Variants in GRB10 observed in about 807,000 individuals in gnomAD.
The protein encoded by GRB10 is growth factor receptor bound protein 10.
Under a neutral mutation model 80.9 loss-of-function variants are expected in GRB10, and 20 were observed. The observed-to-expected ratio is 0.25, with a 90% CI of 0.17 to 0.36. The LOEUF is 0.36. GRB10 is among the 10% of genes least tolerant of loss of function. The pLI is 1.00. For synonymous variants in GRB10, 291 were observed against 291.5 expected, an observed-to-expected ratio of 1.00 and a Z score of 0.02; for missense variants, 548 against 747.7, an observed-to-expected ratio of 0.73 and a Z score of 3.12.
At position 50,706,817 on chromosome 7, in the gene GRB10, G is replaced by A. The variant is rs113066994; in HGVS notation, c.52-2909C>T. On this transcript the variant is annotated intron_variant, in intron 4 of 18. Transcript: ENST00000401949. Reference sequence around the variant, plus strand: ...GCTAAGGGTTTGGGGCCAGTTACCTGGATTCTCTGAGTCAATCTGCTCATC... The same window carrying A: ...GCTAAGGGTTTGGGGCCAGTTACCTAGATTCTCTGAGTCAATCTGCTCATC... 2.0e-3 allele frequency among the ~76,000 whole-genome samples: 309 copies of A among 152,276 alleles called. 1 individual carries two copies. The highest frequency in any genetic ancestry group is 3.2e-3 in the Non-Finnish European group (220 of 68,020).
At chr7:50,662,051 G>T (rs1167334115) in intron 7 of GRB10, among the ~76,000 whole-genome samples, 1 of 152,232 alleles carries the variant, frequency 6.6e-6, no homozygotes, top group Non-Finnish European at 1.5e-5. Flanking sequence ...TCCCACGCTT[G>T]CCAGGAGAAG....
At chr7:50,736,361 T>TACTA (rs1587681477) in intron 3 of GRB10, among the ~76,000 whole-genome samples, 1 of 152,182 alleles carries the variant, frequency 6.6e-6, no homozygotes, top group Non-Finnish European at 1.5e-5. Flanking sequence ...AACAGTCTGG[T>TACTA]ACTAACATAA....
intron 3 of GRB10, among the ~76,000 whole-genome samples, chr7:50,753,643 A>G (rs1232310950): frequency 1.3e-5 from 2 of 152,218 alleles, no homozygotes; most frequent in African/African-American, 2.4e-5. Flanking sequence ...TGGAGGACAG[A>G]GGAAGCACCC....
intron 2 of GRB10, among the ~76,000 whole-genome samples, chr7:50,768,916 C>T (rs2076673651): frequency 6.6e-6 from 1 of 152,166 alleles, no homozygotes; most frequent in Admixed American, 6.5e-5. Flanking sequence ...TATTTCAGGA[C>T]GTTTACTTCT....
intron 5 of GRB10, among the ~76,000 whole-genome samples, chr7:50,702,863 A>C (rs2064442316): frequency 1.3e-5 from 2 of 152,244 alleles, no homozygotes; most frequent in Admixed American, 6.5e-5. Flanking sequence ...TCCTAATTCA[A>C]GTATTAACCT....
In GRB10 at chr7:50,769,587, T is replaced by C. The variant is rs1029890928; in HGVS notation, c.-217+11040A>G. Among the ~76,000 whole-genome samples, 6 of 152,280 alleles carry C rather than the reference T, an allele frequency of 3.9e-5. No homozygotes were observed. In the South Asian group the frequency reaches 6.2e-4, roughly 16 times the overall value. ...CTCATGGCCAGTTTTGTGCACCCTG[T>C]ACCCCATGGTTCAGGGGTCTCTGAG... On this transcript the variant is annotated intron_variant, in intron 2 of 18. Transcript: ENST00000401949.
At chr7:50,673,049 C>T (rs1199796205) in intron 6 of GRB10, among the ~76,000 whole-genome samples, 1 of 152,210 alleles carries the variant, frequency 6.6e-6, no homozygotes, top group Non-Finnish European at 1.5e-5. Flanking sequence ...GAAACAGCTG[C>T]CACCTGGGGC....
intron 7 of GRB10, among the ~76,000 whole-genome samples, chr7:50,632,240 A>T (rs2237443): frequency 0.52 from 78,867 of 152,074 alleles, 20,615 homozygotes; most frequent in Admixed American, 0.54. Flanking sequence ...CTCACCATAA[A>T]GAGAACACGC....
Position 50,593,117 on chromosome 7 carries a change from A to G in GRB10, c.1639-19T>C. 5.6e-6 allele frequency: 9 copies of G among 1,614,006 alleles called. No homozygotes were observed. Among genetic ancestry groups the G allele is most frequent in the Non-Finnish European group, 6.8e-6 (8 of 1,180,004 alleles). The stretch of plus-strand genomic sequence containing the variant: ...CCTCGCACTGGAGAGACACAAGAAC[A>G]CTTGCCAGGTTAGAGGCTGCCACCT... On this transcript the variant is annotated intron_variant, in intron 18 of 18. Coordinates refer to ENST00000401949, the MANE Select transcript of GRB10 (RefSeq NM_001350814.2).
chr7:50,770,010 A>G (rs1204691977), intron 2 of GRB10, among the ~76,000 whole-genome samples: 1 of 152,194 alleles, frequency 6.6e-6, no homozygotes, highest in Non-Finnish European at 1.5e-5. Context: ...CACTGGCTCA[A>G]CAAACACTGG....
intron 4 of GRB10, among the ~76,000 whole-genome samples, chr7:50,717,731 A>G (rs2067087148): frequency 6.6e-6 from 1 of 152,192 alleles, no homozygotes; most frequent in Admixed American, 6.5e-5. Flanking sequence ...ATTATCAACC[A>G]GGTGTTTAGA....
At chr7:50,689,254 G>A (rs530744452) in intron 5 of GRB10, among the ~76,000 whole-genome samples, 2 of 152,332 alleles carry the variant, frequency 1.3e-5, no homozygotes, top group South Asian at 4.1e-4. Flanking sequence ...AAGCACACTA[G>A]TTATGCAAAG....
intron 3 of GRB10, among the ~76,000 whole-genome samples, chr7:50,734,123 C>T (rs935026913): frequency 3.3e-5 from 5 of 151,998 alleles, no homozygotes; most frequent in Non-Finnish European, 7.4e-5. Flanking sequence ...CTGGACAGGC[C>T]GTCACCCCTA....
chr7:50,618,988 T>G (rs2051157450), intron 9 of GRB10, among the ~76,000 whole-genome samples, 182 bp downstream of exon 9: 1 of 152,140 alleles, frequency 6.6e-6, no homozygotes, highest in African/African-American at 2.4e-5. Context: ...CCACGCACAT[T>G]TAGTGAAGCA....
chr7:50,609,223 A>G (rs1247045880), intron 13 of GRB10, among the ~76,000 whole-genome samples: 1 of 152,242 alleles, frequency 6.6e-6, no homozygotes, highest in Admixed American at 6.5e-5. Flanking sequence ...AAAGATTATC[A>G]AAGTAAAATA....
intron 5 of GRB10, among the ~76,000 whole-genome samples, chr7:50,679,531 T>C (rs904171756): frequency 1.3e-5 from 2 of 152,210 alleles, no homozygotes; most frequent in Non-Finnish European, 2.9e-5. Context: ...CATAAGGACA[T>C]GTTATTTGCA....
Position 50,753,239 on chromosome 7 carries a change from T to C in GRB10, c.-47+2648A>G, listed in dbSNP as rs1354113315. Among the ~76,000 whole-genome samples the C allele has an allele frequency of 3.3e-5, 5 of 152,228 alleles. No homozygotes were observed. The East Asian group carries it at 7.7e-4, about 23-fold the overall frequency. The stretch of plus-strand genomic sequence containing the variant: ...AATAACTAGCTCTTCTCAGACTCTA[T>C]TATTTTGATTTGTAGCATCTTTCTG... On this transcript the variant is annotated intron_variant, in intron 3 of 18. Transcript: ENST00000401949.
chr7:50,648,866 A>G (rs1166635695), intron 7 of GRB10, among the ~76,000 whole-genome samples: 1 of 152,144 alleles, frequency 6.6e-6, no homozygotes, highest in East Asian at 1.9e-4. Flanking sequence ...CAAAGTAAAT[A>G]TTCTGGGTGG....
chr7:50,671,924 T>C (rs1313185565), intron 6 of GRB10, among the ~76,000 whole-genome samples: 1 of 152,130 alleles, frequency 6.6e-6, no homozygotes, highest in Non-Finnish European at 1.5e-5. Flanking sequence ...ACAGTGACTA[T>C]GGAGAGGGGT....
Sources: allele counts gnomAD v4.1 joint callset (sites outside exome capture counted in the v4.1 genomes callset), GRCh38; gene constraint gnomAD v4.1.1; transcripts MANE v1.5; gene names NCBI Gene and HGNC (gene_info 2026-07-23, HGNC 2026-07-21).